THSD4: variants seen among roughly 807,000 people sequenced by gnomAD.
THSD4 encodes the protein thrombospondin type 1 domain containing 4, also known as thrombospondin type-1 domain-containing protein 4.
THSD4 carries 69 observed loss-of-function variants against 119.0 expected under a neutral mutation model. The ratio of observed to expected loss-of-function variants is 0.58; its 90% CI spans 0.48 to 0.71. The LOEUF is 0.71. Ranked by LOEUF, THSD4 falls within the 30% of genes least tolerant of loss-of-function variation. THSD4 has a pLI of 0.00. For synonymous variants in THSD4, 524 were observed against 540.4 expected, an observed-to-expected ratio of 0.97 and a Z score of 0.42; for missense variants, 1,393 against 1,391.1, an observed-to-expected ratio of 1.00 and a Z score of -0.02.
At chr15:71,446,089 C>G (rs2047176947) in intron 7 of THSD4, among the ~76,000 whole-genome samples, 1 of 152,212 alleles carries the variant, frequency 6.6e-6, no homozygotes, top group African/African-American at 2.4e-5. Context: ...TGAACAACAT[C>G]TAACTAATCA....
intron 7 of THSD4, among the ~76,000 whole-genome samples, chr15:71,572,605 A>G (rs2049378551): frequency 6.6e-6 from 1 of 152,142 alleles, no homozygotes; most frequent in African/African-American, 2.4e-5. Context: ...CTAATGTGAT[A>G]CTTAATATTA....
intron 4 of THSD4, among the ~76,000 whole-genome samples, chr15:71,227,337 GA>G (rs1244453018): frequency 6.6e-6 from 1 of 152,194 alleles, no homozygotes; most frequent in African/African-American, 2.4e-5. Context: ...ATGGGCTATG[GA>G]AAAAGCCTGA....
intron 7 of THSD4, among the ~76,000 whole-genome samples, chr15:71,586,471 G>C (rs2049672992): frequency 6.6e-6 from 1 of 152,154 alleles, no homozygotes; most frequent in Non-Finnish European, 1.5e-5. Flanking sequence ...GCATCTGGAA[G>C]ACTGAAGTAG....
At chr15:71,427,537 G>A (rs558788449) in intron 7 of THSD4, among the ~76,000 whole-genome samples, 2 of 150,410 alleles carry the variant, frequency 1.3e-5, no homozygotes, top group East Asian at 1.9e-4. Context: ...ACAGGTGAAG[G>A]CAATGTTACT....
chr15:71,599,017 C>T (rs978084099), intron 7 of THSD4, among the ~76,000 whole-genome samples: 1 of 152,144 alleles, frequency 6.6e-6, no homozygotes, highest in East Asian at 1.9e-4. Context: ...TCAACTAATC[C>T]GATTTGCTCC....
chr15:71,116,875 C>A (rs1010663845), intron 1 of THSD4, among the ~76,000 whole-genome samples: 68 of 152,110 alleles, frequency 4.5e-4, no homozygotes, highest in Non-Finnish European at 2.6e-4. Context: ...TCTCAATATA[C>A]AAAGAAGCAA....
rs2053930234 is a variant in THSD4, at chr15:71,777,231, G to C, written c.2915-1G>C. ...CTTCTGTTCATTCTCTTTCGCTACA[G>C]ATGAAAACTGCAAGGACAAGTACTA... On this transcript the variant is annotated splice_acceptor_variant, in intron 17 of 17. Transcript: ENST00000261862. LOFTEE classifies it high-confidence loss of function. 2 of 1,614,076 alleles carry C rather than the reference G, an allele frequency of 1.2e-6. No homozygotes were observed. Among genetic ancestry groups the C allele is most frequent in the Admixed American group, 3.3e-5 (2 of 60,010 alleles).
rs182567515 is a variant in THSD4 at position 71,409,408 on chromosome 15, T to G, written c.1016-2279T>G. Among the ~76,000 whole-genome samples the G allele has an allele frequency of 4.7e-3, 712 of 152,316 alleles. 4 individuals are homozygous for G. The highest frequency in any genetic ancestry group is 0.024 in the South Asian group (117 of 4,820). Reference sequence around the variant, plus strand: ...AGAGAGGGAATGGGGTCTTGGTAGATGAAATGAGAAAGCAAGTTGTAGGAG... The same window carrying G: ...AGAGAGGGAATGGGGTCTTGGTAGAGGAAATGAGAAAGCAAGTTGTAGGAG... On this transcript the variant is annotated intron_variant, in intron 6 of 17. Transcript: ENST00000261862.
At chr15:71,301,006 T>C (rs906522737) in intron 6 of THSD4, among the ~76,000 whole-genome samples, 3 of 152,208 alleles carry the variant, frequency 2.0e-5, no homozygotes, top group African/African-American at 7.2e-5. Flanking sequence ...TCTGGACAGG[T>C]CCTGTTTTAT....
intron 8 of THSD4, among the ~76,000 whole-genome samples, chr15:71,667,672 T>C (rs1271661432): frequency 1.3e-5 from 2 of 152,250 alleles, no homozygotes; most frequent in East Asian, 3.8e-4. Flanking sequence ...CAGCTTTCTT[T>C]ACAGGAAACA....
At chr15:71,320,496 G>A (rs1430937480) in intron 6 of THSD4, among the ~76,000 whole-genome samples, 14 of 152,088 alleles carry the variant, frequency 9.2e-5, no homozygotes, top group Admixed American at 7.9e-4. Context: ...GGTCCCAGAT[G>A]TTACTAAGAT....
intron 6 of THSD4, among the ~76,000 whole-genome samples, chr15:71,353,913 TAA>T (rs1349055896): frequency 5.3e-5 from 8 of 151,964 alleles, no homozygotes; most frequent in Admixed American, 3.3e-4. Context: ...CACGTATGAG[TAA>T]AGAGAGGAGA....
At chr15:71,126,858 T>A (rs112115190) in intron 1 of THSD4, among the ~76,000 whole-genome samples, 1 of 152,268 alleles carries the variant, frequency 6.6e-6, no homozygotes, top group African/African-American at 2.4e-5. Flanking sequence ...AAAGTGATGC[T>A]ATGATTTATG....
intron 8 of THSD4, among the ~76,000 whole-genome samples, chr15:71,668,547 C>T (rs1009996809): frequency 9.9e-5 from 15 of 152,148 alleles, no homozygotes; most frequent in South Asian, 2.1e-4. Context: ...CCCCCACTCC[C>T]AGCACACACA....
chr15:71,297,320 T>TTTTTTTTTTTTTG (rs111707595), intron 6 of THSD4, among the ~76,000 whole-genome samples: 21 of 148,082 alleles, frequency 1.4e-4, no homozygotes, highest in African/African-American at 4.7e-4. Flanking sequence ...CTCTTCTTTT[T>TTTTTTTTTTTTTG]TTTGTTTGTT....
chr15:71,558,670 T>C (rs2049062577), intron 7 of THSD4, among the ~76,000 whole-genome samples: 1 of 152,102 alleles, frequency 6.6e-6, no homozygotes. Flanking sequence ...GGGGTCTTTC[T>C]ATGTTGACCA....
chr15:71,613,971 G>A (rs971771680), intron 7 of THSD4, among the ~76,000 whole-genome samples: 10 of 152,036 alleles, frequency 6.6e-5, no homozygotes, highest in African/African-American at 2.2e-4. Flanking sequence ...CTCTATCCTC[G>A]TAATACAAGG....
At chr15:71,267,695 T>A (rs2044479420) in intron 6 of THSD4, among the ~76,000 whole-genome samples, 1 of 152,142 alleles carries the variant, frequency 6.6e-6, no homozygotes, top group Non-Finnish European at 1.5e-5. Flanking sequence ...GACCCATCAG[T>A]GTGCTGTATT....
intron 3 of THSD4, among the ~76,000 whole-genome samples, chr15:71,171,947 G>A (rs1311089399): frequency 2.0e-5 from 3 of 152,132 alleles, no homozygotes; most frequent in African/African-American, 7.2e-5. Flanking sequence ...GTATACTGTG[G>A]TAAGTTAAAG....
Sources: allele counts gnomAD v4.1 joint callset (sites outside exome capture counted in the v4.1 genomes callset), GRCh38; gene constraint gnomAD v4.1.1; transcripts MANE v1.5; gene names NCBI Gene and HGNC (gene_info 2026-07-23, HGNC 2026-07-21).